The following SLC22A14 variants were observed in gnomAD, a reference collection of about 807,000 sequenced individuals.
The protein encoded by SLC22A14 is solute carrier family 22 member 14.
In SLC22A14, 50 loss-of-function variants were observed where a neutral mutation model predicts 53.9. The ratio of observed to expected loss-of-function variants is 0.93; its 90% CI spans 0.74 to 1.17. The LOEUF (loss-of-function observed/expected upper bound fraction) is 1.17, where lower values mean the gene tolerates loss of function less well. SLC22A14 is among the 50% of genes most tolerant of loss of function. SLC22A14 has a pLI of 0.00. For missense variants in SLC22A14, 671 were observed against 734.7 expected, an observed-to-expected ratio of 0.91 and a Z score of 1.00; for synonymous variants, 312 against 303.0, an observed-to-expected ratio of 1.03 and a Z score of -0.31.
chr3:38,306,322 A>G lies in SLC22A14; in HGVS notation c.296A>G (p.Asn99Ser). 2.5e-6 allele frequency: 4 copies of G among 1,614,110 alleles called. No individual in the cohort carries two copies. The highest frequency in any genetic ancestry group is 1.7e-5 in the Admixed American group (1 of 60,014). ...TTCACAGCCCAGAAGCCCTATTGCA[A>G]TACCAGCTGGATCCTGGCAGTGGGC... ...FVFTAQKPYC[N>S]TSWILAVGPH... Residue 99 changes from asparagine (N) to serine (S), a missense_variant, in exon 2 of 11, where the codon AAT (asparagine) becomes AGT (serine). Asn to Ser is a conservative substitution (Grantham distance 46). Coordinates refer to ENST00000448498, the MANE Select transcript of SLC22A14 (RefSeq NM_001320033.2).
chr3:38,286,367 T>G (rs1703791734), intron 1 of SLC22A14, among the ~76,000 whole-genome samples: 1 of 151,696 alleles, frequency 6.6e-6, no homozygotes, highest in African/African-American at 2.4e-5. Context: ...GCCACACGAG[T>G]TTCCTCTTCG....
chr3:38,284,095 C>A (rs1460715626), intron 1 of SLC22A14, among the ~76,000 whole-genome samples: 1 of 152,184 alleles, frequency 6.6e-6, no homozygotes, highest in African/African-American at 2.4e-5. Context: ...GAGCTGGAGA[C>A]CTCTTCCCTG....
intron 1 of SLC22A14, among the ~76,000 whole-genome samples, chr3:38,284,280 C>G (rs1447573675): frequency 6.6e-6 from 1 of 152,226 alleles, no homozygotes; most frequent in Non-Finnish European, 1.5e-5. Flanking sequence ...CTGAAAGTGG[C>G]CCTAGCCTTG....
Position 38,309,175 on chromosome 3 carries a change from T to C in SLC22A14, c.944+53T>C, listed in dbSNP as rs79261977. ...AGGGCTGGGTCTGATGGGCTGGATG[T>C]CGATGAGTATGGAGGGTCCTTGAAG... On this transcript the variant is annotated intron_variant, in intron 5 of 10. Transcript: ENST00000448498. 5,402 of 1,478,678 alleles carry C rather than the reference T, an allele frequency of 3.7e-3. 155 individuals carry two copies. In the African/African-American group the frequency reaches 0.065, roughly 18 times the overall value. The allele number at this position is 1,478,678 out of a possible 1,614,324, so 91.6% of individuals were successfully genotyped here.
chr3:38,285,227 G>C (rs1216692528), intron 1 of SLC22A14, among the ~76,000 whole-genome samples: 1 of 152,214 alleles, frequency 6.6e-6, no homozygotes, highest in Non-Finnish European at 1.5e-5. Flanking sequence ...CACAGTGGGG[G>C]ACTGCTGCCT....
intron 9 of SLC22A14, 49 bp from the exon 10 acceptor site, chr3:38,316,275 C>G: frequency 6.4e-7 from 1 of 1,564,542 alleles, no homozygotes; most frequent in South Asian, 1.1e-5. Flanking sequence ...CCCTGCCCAG[C>G]CTCTGAACCC....
At chr3:38,314,532 C>CCCTAAACAGTGGATACACCACAGGT in intron 8 of SLC22A14, among the ~76,000 whole-genome samples, 1 of 152,340 alleles carries the variant, frequency 6.6e-6, no homozygotes, top group Non-Finnish European at 1.5e-5. Context: ...TCTCAAAGAG[C>CCCTAAACAGTGGATACACCACAGGT]CCTAAACAGT....
intron 6 of SLC22A14, 124 bp from the exon 7 acceptor site, chr3:38,313,264 C>T: frequency 1.4e-6 from 2 of 1,433,376 alleles, no homozygotes. Flanking sequence ...AAATTGAACC[C>T]TGCCAGGGAA....
At chr3:38,310,695 GCT>G (rs1230303954) in intron 5 of SLC22A14, among the ~76,000 whole-genome samples, 2 of 152,106 alleles carry the variant, frequency 1.3e-5, no homozygotes, top group African/African-American at 2.4e-5. Flanking sequence ...TGCTCCCAGT[GCT>G]CTGTTTGTGA....
chr3:38,308,870 G>A lies in SLC22A14; in HGVS notation c.776-84G>A. 3.2e-6 allele frequency: 4 copies of A among 1,252,594 alleles called. No homozygotes were observed. In the Admixed American group the frequency reaches 7.0e-5, roughly 22 times the overall value. The allele number at this position is 1,252,594 out of a possible 1,614,324, so 77.6% of individuals were successfully genotyped here. ...CTGATCTCAACTGTCCAGAGCAGGTGGGGACACCCAGCAAGGCTGGATGCA... is the reference window on the plus strand; with the variant it reads ...CTGATCTCAACTGTCCAGAGCAGGTAGGGACACCCAGCAAGGCTGGATGCA... On this transcript the variant is annotated intron_variant, in intron 4 of 10. Transcript: ENST00000448498.
Position 38,313,120 on chromosome 3 carries a change from G to A in SLC22A14, c.1065+1G>A. The A allele has an allele frequency of 6.2e-7, 1 of 1,610,564 alleles. No homozygotes were observed. Among genetic ancestry groups the A allele is most frequent in the South Asian group, 1.1e-5 (1 of 89,988 alleles). ...CATTCCTTCAAATCTGCTGGACGAG[G>A]TAAAGGGCTTCTGGCCAGGAGTGGG... On this transcript the variant is annotated splice_donor_variant, in intron 6 of 10. Transcript: ENST00000448498. LOFTEE classifies it high-confidence loss of function.
Position 38,316,439 on chromosome 3 carries a change from A to G in SLC22A14, c.1648A>G (p.Ile550Val), listed in dbSNP as rs1704622295. ...LPIFLCCVLA[I>V]VAFSLSSLLP... ...CATCTTTCTCTGCTGCGTCTTAGCC[A>G]TCGTGGCCTTTTCCCTCTCCTCCCT... is the stretch of plus-strand genomic sequence containing the variant. The change falls in exon 10 of 11, where the codon ATC becomes GTC. Residue 550 changes from isoleucine (I) to valine (V), a missense_variant. By Grantham distance (29) the Ile-to-Val change is conservative. Transcript: ENST00000448498. The G allele has an allele frequency of 6.2e-7, 1 of 1,613,908 alleles. No individual in the cohort carries two copies. The highest frequency in any genetic ancestry group is 1.3e-5 in the African/African-American group (1 of 74,876).
At chr3:38,293,817 G>C (rs918754354) in intron 1 of SLC22A14, among the ~76,000 whole-genome samples, 1 of 152,182 alleles carries the variant, frequency 6.6e-6, no homozygotes, top group Admixed American at 6.5e-5. Flanking sequence ...TTCCTCTGTT[G>C]TCATCCTATC....
chr3:38,318,462 G>A lies in SLC22A14; in HGVS notation c.*213G>A. ...CAAATTCCAGGCCTAGTTCAGTCTG[G>A]GGGCAGGGTCAGTCCTTCTCCCAGG... On this transcript the variant is annotated 3_prime_UTR_variant, in exon 11 of 11. Transcript: ENST00000448498. The A allele has an allele frequency of 7.0e-6, 4 of 574,368 alleles. No homozygotes were observed. Among genetic ancestry groups the A allele is most frequent in the Non-Finnish European group, 1.3e-5 (4 of 319,098 alleles). 35.6% of individuals were successfully genotyped at this position (574,368 alleles called of 1,614,324 possible).
At chr3:38,309,437 A>G (rs1704408626) in intron 5 of SLC22A14, among the ~76,000 whole-genome samples, 1 of 152,178 alleles carries the variant, frequency 6.6e-6, no homozygotes, top group Admixed American at 6.5e-5. Context: ...ATGCTGGGAA[A>G]GGGTCTGCCA....
chr3:38,302,094 C>G (rs567002287), intron 1 of SLC22A14, among the ~76,000 whole-genome samples: 1 of 150,382 alleles, frequency 6.6e-6, no homozygotes, highest in Admixed American at 6.6e-5. Flanking sequence ...ATTAGCCAGG[C>G]GTGGTGGTGC....
In SLC22A14 at chr3:38,306,637, A is replaced by G. The variant is rs1704314502; in HGVS notation, c.516+95A>G. On this transcript the variant is annotated intron_variant, in intron 2 of 10. Transcript: ENST00000448498. The stretch of plus-strand genomic sequence containing the variant: ...TGGGTGGGGAAACCGAAGCTCAGAG[A>G]TGGGAAGCCATTGGCCTGAGGTCAA... The G allele has an allele frequency of 7.9e-6, 10 of 1,263,498 alleles. No homozygotes were observed. The East Asian group carries it at 1.9e-4, about 24-fold the overall frequency. 78.3% of individuals were successfully genotyped at this position (1,263,498 alleles called of 1,614,324 possible).
chr3:38,314,652 C>T (rs1226252037), intron 8 of SLC22A14, among the ~76,000 whole-genome samples: 4 of 152,210 alleles, frequency 2.6e-5, no homozygotes, highest in African/African-American at 7.2e-5. Context: ...AGGCTAGATC[C>T]GGCCCTGCCT....
chr3:38,301,025 C>T (rs1438971824), intron 1 of SLC22A14, among the ~76,000 whole-genome samples: 2 of 152,024 alleles, frequency 1.3e-5, no homozygotes, highest in African/African-American at 4.8e-5. Flanking sequence ...CGCTATATTA[C>T]CTAGGCTGGT....
Sources: gnomAD v4.1 joint callset for allele counts (sites outside exome capture counted in the v4.1 genomes callset) on GRCh38, gnomAD v4.1.1 for gene constraint, MANE v1.5 for transcripts, NCBI Gene and HGNC (gene_info 2026-07-23, HGNC 2026-07-21) for gene names.